The following WRN variants were observed in gnomAD, a reference collection of about 807,000 sequenced individuals.
WRN encodes WRN RecQ like helicase, also known as bifunctional 3'-5' exonuclease/ATP-dependent helicase WRN.
A neutral mutation model predicts 180.7 loss-of-function variants in WRN; 149 were observed. The ratio of observed to expected loss-of-function variants is 0.82; its 90% CI spans 0.72 to 0.94. The LOEUF (loss-of-function observed/expected upper bound fraction) is 0.94, where lower values mean the gene tolerates loss of function less well. Ranked by LOEUF, WRN falls within the 40% of genes least tolerant of loss-of-function variation. WRN has a pLI of 0.00. For missense variants in WRN, 1,661 were observed against 1,700.1 expected, an observed-to-expected ratio of 0.98 and a Z score of 0.40; for synonymous variants, 548 against 568.9, an observed-to-expected ratio of 0.96 and a Z score of 0.52.
Position 31,058,506 on chromosome 8 carries a change from A to G in WRN, c.59A>G (p.Asn20Ser), listed in dbSNP as rs1554518179. 1 of 1,613,872 alleles carries G rather than the reference A, an allele frequency of 6.2e-7. No individual in the cohort carries two copies. Among genetic ancestry groups the G allele is most frequent in the Non-Finnish European group, 8.5e-7 (1 of 1,179,854 alleles). The change falls in exon 2 of 35, where the codon AAT becomes AGT. Residue 20 changes from asparagine (N) to serine (S), a missense_variant. Around this residue, in one of 3 missense-constraint regions of WRN, gnomAD observed 500 missense variants for 504.1 expected, o/e 0.99. Transcript: ENST00000298139. The stretch of plus-strand genomic sequence containing the variant: ...CAGCGGAAATGTCCTGAATGGATGA[A>G]TGTGCAGAATAAAAGATGTGCTGTA... ...AQQRKCPEWM[N>S]VQNKRCAVEE...
At chr8:31,167,265 A>G (rs1803936812) in intron 34 of WRN, 35 bp downstream of exon 34, 1 of 1,569,050 alleles carries the variant, frequency 6.4e-7, no homozygotes, top group Non-Finnish European at 8.7e-7. Context: ...ATAAAGTGTC[A>G]GTTTGTTCAA....
intron 18 of WRN, among the ~76,000 whole-genome samples, chr8:31,105,254 T>C (rs1318727994): frequency 6.6e-6 from 1 of 152,184 alleles, no homozygotes; most frequent in Admixed American, 6.5e-5. Flanking sequence ...ATCTTCATAC[T>C]TTTTCTTGAA....
At chr8:31,046,698 G>T (rs1434852340) in intron 1 of WRN, among the ~76,000 whole-genome samples, 4 of 152,152 alleles carry the variant, frequency 2.6e-5, no homozygotes, top group African/African-American at 7.2e-5. Flanking sequence ...GTAGTCTGTA[G>T]TAAGAATAAT....
chr8:31,141,325 T>G lies in WRN; in HGVS notation c.2968-105T>G, dbSNP rs1802618347. The G allele has an allele frequency of 2.1e-6, 3 of 1,452,132 alleles. No homozygotes were observed. In the South Asian group the frequency reaches 3.7e-5, roughly 18 times the overall value. The allele number at this position is 1,452,132 out of a possible 1,614,324, so 90.0% of individuals were successfully genotyped here. ...TAACATTTTTGTAGGTTTTTAAAGT[T>G]GAAATTTAGTGTAAATCCAAAGAAT... On this transcript the variant is annotated intron_variant, in intron 24 of 34. Transcript: ENST00000298139.
intron 18 of WRN, among the ~76,000 whole-genome samples, chr8:31,107,660 A>G (rs1296729586): frequency 6.6e-6 from 1 of 152,136 alleles, no homozygotes; most frequent in Non-Finnish European, 1.5e-5. Context: ...TTCCAGTTAT[A>G]CTAGGACAAC....
intron 1 of WRN, among the ~76,000 whole-genome samples, chr8:31,054,351 A>C (rs1204211819): frequency 6.6e-6 from 1 of 152,312 alleles, no homozygotes; most frequent in East Asian, 1.9e-4. Context: ...TCCATACTGA[A>C]AGACAAATAT....
intron 34 of WRN, among the ~76,000 whole-genome samples, chr8:31,172,344 G>C (rs1804135270): frequency 6.6e-6 from 1 of 152,146 alleles, no homozygotes; most frequent in South Asian, 2.1e-4. Flanking sequence ...TTAACCTGAG[G>C]GTTAGAGGCT....
At chr8:31,087,576 A>G (rs1171033591) in intron 11 of WRN, 200 bp from the exon 12 acceptor site, 11 of 531,134 alleles carry the variant, frequency 2.1e-5, no homozygotes, top group Non-Finnish European at 3.7e-5. Flanking sequence ...GAAATGTTCC[A>G]TCTTTGGCCT....
Position 31,143,615 on chromosome 8 carries a change from T to C in WRN, c.3375T>C (p.Ser1125=), listed in dbSNP as rs377535272. The change falls in exon 28 of 35, where the codon TCT becomes TCC. Residue 1125 remains serine, a synonymous_variant. Coordinates refer to ENST00000298139, the MANE Select transcript of WRN (RefSeq NM_000553.6). The part of the protein sequence containing the change: ...CDKISSGSNI[S]KKSIMVQSPE... ...AGATTTCTTCTGGGAGTAACATTTC[T>C]AAAAAAAGGTACAGAGTTCCATATT... The C allele has an allele frequency of 1.4e-5, 22 of 1,582,296 alleles. No homozygotes were observed. In the African/African-American group the frequency reaches 2.3e-4, roughly 16 times the overall value.
chr8:31,157,791 G>C (rs1050636711), intron 33 of WRN, among the ~76,000 whole-genome samples: 11 of 152,132 alleles, frequency 7.2e-5, no homozygotes, highest in African/African-American at 2.4e-5. Context: ...GCAGTGGCGT[G>C]ATCTTGGCTC....
intron 1 of WRN, among the ~76,000 whole-genome samples, chr8:31,043,368 A>G (rs1412563683): frequency 1.3e-5 from 2 of 152,186 alleles, no homozygotes; most frequent in Non-Finnish European, 2.9e-5. Flanking sequence ...AATCAGTTGT[A>G]TAGCAAGGGG....
chr8:31,115,838 A>C, intron 19 of WRN, among the ~76,000 whole-genome samples: 1 of 151,994 alleles, frequency 6.6e-6, no homozygotes, highest in Non-Finnish European at 1.5e-5. Flanking sequence ...TTCAGTCTCA[A>C]GATTACTAGT....
intron 16 of WRN, among the ~76,000 whole-genome samples, chr8:31,093,006 G>A (rs895041939): frequency 5.9e-5 from 9 of 151,968 alleles, no homozygotes; most frequent in African/African-American, 1.7e-4. Flanking sequence ...GTACAGTGGC[G>A]CAATCATAGC....
rs554005355 is a variant in WRN at position 31,169,965 on chromosome 8, G to T, written c.4191+2735G>T. On this transcript the variant is annotated intron_variant, in intron 34 of 34. Transcript: ENST00000298139. ...TTGGACAAAAGCCCTCCCATTTTCA[G>T]ATGCTATTATCAGATTAATCTCTCA... 8.5e-5 allele frequency among the ~76,000 whole-genome samples: 13 copies of T among 152,218 alleles called. No homozygotes were observed. The South Asian group carries it at 2.7e-3, about 32-fold the overall frequency.
intron 19 of WRN, among the ~76,000 whole-genome samples, chr8:31,113,245 C>T (rs1801386645): frequency 6.8e-6 from 1 of 147,572 alleles, no homozygotes; most frequent in South Asian, 2.1e-4. Flanking sequence ...AAACACAAAA[C>T]AAGCATAGAC....
In WRN at chr8:31,046,598, G is replaced by A. The variant is rs1811872749; in HGVS notation, c.-76-11774G>A. On this transcript the variant is annotated intron_variant, in intron 1 of 34. Transcript: ENST00000298139. ...ATTTTTCCAATCTCTTCTACTGTTAGTGTTTTAGGCTAGCTCCTCAGTGGA... is the reference window on the plus strand; with the variant it reads ...ATTTTTCCAATCTCTTCTACTGTTAATGTTTTAGGCTAGCTCCTCAGTGGA... 3.3e-5 allele frequency among the ~76,000 whole-genome samples: 5 copies of A among 152,244 alleles called. No homozygotes were observed. In the South Asian group the frequency reaches 1.0e-3, roughly 32 times the overall value.
chr8:31,042,774 C>A (rs1237589576), intron 1 of WRN, among the ~76,000 whole-genome samples: 1 of 152,164 alleles, frequency 6.6e-6, no homozygotes, highest in Non-Finnish European at 1.5e-5. Flanking sequence ...ATCTAGGAAT[C>A]TATCCTATAG....
At chr8:31,151,143 T>C (rs1179653069) in intron 31 of WRN, among the ~76,000 whole-genome samples, 15 of 152,192 alleles carry the variant, frequency 9.9e-5, no homozygotes, top group Admixed American at 9.8e-4. Context: ...AACCTGCACA[T>C]GTCCTTTAAT....
At chr8:31,081,335 A>C (rs1192736721) in intron 9 of WRN, 39 bp downstream of exon 9, 9 of 1,601,428 alleles carry the variant, frequency 5.6e-6, no homozygotes, top group Admixed American at 1.7e-5. Flanking sequence ...AGTTATTAGT[A>C]GGTTCTGGCA....
Sources: gnomAD v4.1 joint callset for allele counts (sites outside exome capture counted in the v4.1 genomes callset) on GRCh38, gnomAD v4.1.1 for gene constraint, gnomAD v4.1.1 regional missense constraint, MANE v1.5 for transcripts, NCBI Gene and HGNC (gene_info 2026-07-23, HGNC 2026-07-21) for gene names.